Variants in SYK observed in about 807,000 individuals in gnomAD.
SYK encodes the protein tyrosine-protein kinase SYK.
A neutral mutation model predicts 77.8 loss-of-function variants in SYK; 16 were observed. The ratio of observed to expected loss-of-function variants is 0.21; its 90% CI spans 0.14 to 0.31. The LOEUF is 0.31. SYK is among the 10% of genes least tolerant of loss of function. SYK has a pLI of 1.00. For missense variants in SYK, 529 were observed against 814.4 expected (o/e 0.65, Z 4.26); for synonymous variants, 312 against 308.7 (o/e 1.01, Z -0.11).
At chr9:90,814,439 TG>T (rs1825213869) in intron 1 of SYK, among the ~76,000 whole-genome samples, 1 of 152,168 alleles carries the variant, frequency 6.6e-6, no homozygotes. Context: ...ACAGGCCAGG[TG>T]TCAGGGACCA....
At chr9:90,893,523 A>G (rs555874651) in intron 13 of SYK, among the ~76,000 whole-genome samples, 2 of 152,230 alleles carry the variant, frequency 1.3e-5, no homozygotes, top group South Asian at 4.1e-4. Context: ...AGGGAGAGAA[A>G]TAGTCTCATT....
At chr9:90,846,634 G>A (rs1167959525) in intron 3 of SYK, among the ~76,000 whole-genome samples, 1 of 148,386 alleles carries the variant, frequency 6.7e-6, no homozygotes, top group Admixed American at 6.8e-5. Context: ...ACCAGCCTGG[G>A]CAACATAGTG....
chr9:90,881,040 AG>A (rs1828132127), intron 11 of SYK, among the ~76,000 whole-genome samples: 1 of 152,208 alleles, frequency 6.6e-6, no homozygotes, highest in Non-Finnish European at 1.5e-5. Context: ...AACCAGGCCC[AG>A]AAACTACCTC....
intron 3 of SYK, among the ~76,000 whole-genome samples, chr9:90,846,943 A>C (rs1488258893): frequency 1.3e-5 from 2 of 152,242 alleles, no homozygotes; most frequent in Non-Finnish European, 2.9e-5. Flanking sequence ...TGGCATGTGA[A>C]GTCAACCCAA....
chr9:90,895,059 T>C lies in SYK; in HGVS notation c.1836-469T>C, dbSNP rs953600270. On this transcript the variant is annotated intron_variant, in intron 13 of 13. Coordinates refer to ENST00000375754, the MANE Select transcript of SYK (RefSeq NM_003177.7). The surrounding 1 kb of genome is among the most constrained non-coding windows in gnomAD (Gnocchi z 4.4). ...GCGTGGAAAGGGAGAATTAAAGTTA[T>C]GTTCGTATTTCTTCTCTTAACAAGA... Among the ~76,000 whole-genome samples the C allele has an allele frequency of 4.6e-5, 7 of 152,240 alleles. No individual in the cohort carries two copies. The highest frequency in any genetic ancestry group is 6.5e-5 in the Admixed American group (1 of 15,290).
At chr9:90,883,605 T>G (rs2118918111) in intron 11 of SYK, among the ~76,000 whole-genome samples, 1 of 152,208 alleles carries the variant, frequency 6.6e-6, no homozygotes, top group South Asian at 2.1e-4. Flanking sequence ...CCTCCCTGCG[T>G]ATCACAGCCA....
intron 9 of SYK, among the ~76,000 whole-genome samples, chr9:90,875,523 T>A (rs890796033): frequency 4.6e-5 from 7 of 152,194 alleles, no homozygotes; most frequent in Non-Finnish European, 1.0e-4. Flanking sequence ...TATTTTTAGA[T>A]CTTTATTTGT....
rs1827862030 is a variant in SYK at position 90,874,703 on chromosome 9, A to C, written c.1035A>C (p.Thr345=). The part of the protein sequence containing the change: ...GPQREALPMD[T]EVYESPYADP... ...AGAGAGAAGCCCTACCCATGGACAC[A>C]GAGGTGTACGAGAGCCCCTACGCGG... Residue 345 remains threonine (T), a synonymous_variant, in exon 9 of 14, where the codon ACA becomes ACC. Coordinates refer to ENST00000375754, the MANE Select transcript of SYK (RefSeq NM_003177.7). The C allele has an allele frequency of 6.2e-7, 1 of 1,614,016 alleles. No homozygotes were observed. The highest frequency in any genetic ancestry group is 1.3e-5 in the African/African-American group (1 of 74,930).
At chr9:90,885,266 A>G (rs539261622) in intron 11 of SYK, among the ~76,000 whole-genome samples, 9 of 152,252 alleles carry the variant, frequency 5.9e-5, no homozygotes, top group African/African-American at 2.2e-4. Flanking sequence ...ATTCTGAAAA[A>G]CAATAGAGAG....
At chr9:90,838,007 CT>C (rs1826152374) in intron 1 of SYK, among the ~76,000 whole-genome samples, 1 of 152,162 alleles carries the variant, frequency 6.6e-6, no homozygotes, top group African/African-American at 2.4e-5. Context: ...TCCTCAGCAA[CT>C]GTGGTGCTCA....
chr9:90,859,886 C>T lies in SYK; in HGVS notation c.579-2320C>T, dbSNP rs1827186349. On this transcript the variant is annotated intron_variant, in intron 3 of 13. Coordinates refer to ENST00000375754, the MANE Select transcript of SYK (RefSeq NM_003177.7). ...CTCAGGGAAACCTGTGCTTGTCTGT[C>T]TCAGTTTTTAACAAGAAAATGTCAA... 2.6e-5 allele frequency among the ~76,000 whole-genome samples: 4 copies of T among 152,206 alleles called. No homozygotes were observed. In the South Asian group the frequency reaches 8.3e-4, roughly 32 times the overall value.
rs1328310374 is a variant in SYK, at chr9:90,895,389, A to G, written c.1836-139A>G. The G allele has an allele frequency of 1.2e-6, 1 of 814,770 alleles. No individual in the cohort carries two copies. Among genetic ancestry groups the G allele is most frequent in the South Asian group, 1.6e-5 (1 of 64,400 alleles). The allele number at this position is 814,770 out of a possible 1,614,324, so 50.5% of individuals were successfully genotyped here. On this transcript the variant is annotated intron_variant, in intron 13 of 13. Coordinates refer to ENST00000375754, the MANE Select transcript of SYK (RefSeq NM_003177.7). This position sits in a 1 kb window ranked among gnomAD's most constrained non-coding sequence, Gnocchi z 4.4. Reference sequence around the variant, plus strand: ...TCACCCTGGGGTGGGGGGCACAGGGACCACGCTGTGAGCTGCAGGCCCTAG... The same window carrying G: ...TCACCCTGGGGTGGGGGGCACAGGGGCCACGCTGTGAGCTGCAGGCCCTAG...
intron 3 of SYK, among the ~76,000 whole-genome samples, chr9:90,857,929 C>A (rs769825774): frequency 1.7e-4 from 22 of 129,118 alleles, no homozygotes; most frequent in Non-Finnish European, 3.0e-4. Context: ...CGGTGATACT[C>A]TACTCTGCCA....
chr9:90,878,701 T>G, intron 10 of SYK, 63 bp from the exon 11 acceptor site: 1 of 1,405,220 alleles, frequency 7.1e-7, no homozygotes, highest in Non-Finnish European at 1.0e-6. Flanking sequence ...GTGAGGAGCA[T>G]GGTTGTTTGT....
chr9:90,820,104 C>T (rs1398855375), intron 1 of SYK, among the ~76,000 whole-genome samples: 2 of 152,326 alleles, frequency 1.3e-5, no homozygotes, highest in African/African-American at 4.8e-5. Flanking sequence ...GAGATGGGTT[C>T]CCATGGTCTT....
intron 11 of SYK, among the ~76,000 whole-genome samples, chr9:90,884,613 A>T: frequency 1.6e-5 from 1 of 64,024 alleles, no homozygotes; most frequent in South Asian, 5.5e-4. Context: ...ACATATATAC[A>T]CATATACACA....
intron 12 of SYK, 111 bp from the exon 13 acceptor site, chr9:90,888,404 T>C: frequency 1.3e-6 from 1 of 773,178 alleles, no homozygotes; most frequent in Non-Finnish European, 2.0e-6. Context: ...ATACTTCGTA[T>C]AATTGAAATC....
At chr9:90,877,488 G>A (rs1184928423) in intron 9 of SYK, 83 bp from the exon 10 acceptor site, 4 of 1,472,042 alleles carry the variant, frequency 2.7e-6, no homozygotes, top group African/African-American at 2.8e-5. Flanking sequence ...TGTTTCCACA[G>A]GGGGATTATG....
At chr9:90,870,365 G>A (rs955993544) in intron 7 of SYK, among the ~76,000 whole-genome samples, 17 of 152,044 alleles carry the variant, frequency 1.1e-4, no homozygotes, top group African/African-American at 4.1e-4. Context: ...TCCCCTAAGA[G>A]GATTAAACTG....
Sources: gnomAD v4.1 joint callset for allele counts (sites outside exome capture counted in the v4.1 genomes callset) on GRCh38, gnomAD v4.1.1 for gene constraint, Gnocchi (gnomAD v3.1) non-coding constraint, MANE v1.5 for transcripts, NCBI Gene and HGNC (gene_info 2026-07-23, HGNC 2026-07-21) for gene names.